LRBA: variants seen among roughly 807,000 people sequenced by gnomAD.
LRBA encodes the protein LPS responsive beige-like anchor protein.
In LRBA, 176 loss-of-function variants were observed where a neutral mutation model predicts 330.0. The ratio of observed to expected loss-of-function variants is 0.53; its 90% CI spans 0.47 to 0.60. The LOEUF (loss-of-function observed/expected upper bound fraction) is 0.60, where lower values mean the gene tolerates loss of function less well. LRBA is among the 20% of genes least tolerant of loss of function. The probability of loss-of-function intolerance (pLI) is 0.00; values close to 1 mark genes in which losing one functional copy is unlikely to be tolerated. For synonymous variants in LRBA, 1,230 were observed against 1,193.0 expected (o/e 1.03, Z -0.64); for missense variants, 3,259 against 3,444.8 (o/e 0.95, Z 1.35).
intron 52 of LRBA, among the ~76,000 whole-genome samples, chr4:150,307,616 T>C (rs1391838923): frequency 6.6e-6 from 1 of 151,312 alleles, no homozygotes; most frequent in Non-Finnish European, 1.5e-5. Flanking sequence ...TAGTGGCATG[T>C]GCCTGTGGTC....
At chr4:150,542,429 T>C (rs1403817243) in intron 40 of LRBA, among the ~76,000 whole-genome samples, 2 of 152,240 alleles carry the variant, frequency 1.3e-5, no homozygotes, top group Non-Finnish European at 2.9e-5. Context: ...GTTATTGTTA[T>C]GACCTTTTCC....
chr4:150,404,528 A>T (rs1438266607), intron 47 of LRBA, among the ~76,000 whole-genome samples: 1 of 152,160 alleles, frequency 6.6e-6, no homozygotes, highest in African/African-American at 2.4e-5. Flanking sequence ...CTGTGGTAAG[A>T]AAAGCATGAG....
At chr4:150,584,636 C>T (rs1296318617) in intron 40 of LRBA, 1 of 166,956 alleles carries the variant, frequency 6.0e-6, no homozygotes, top group African/African-American at 2.4e-5. Flanking sequence ...TGAACCTCTA[C>T]CCTCACCCTG....
At chr4:150,615,448 T>C (rs1168221863) in intron 37 of LRBA, among the ~76,000 whole-genome samples, 1 of 152,110 alleles carries the variant, frequency 6.6e-6, no homozygotes, top group Non-Finnish European at 1.5e-5. Context: ...TGGGAACAAA[T>C]AGCAGCAGTG....
intron 36 of LRBA, among the ~76,000 whole-genome samples, chr4:150,699,115 A>G (rs1191008590): frequency 6.6e-6 from 1 of 152,188 alleles, no homozygotes; most frequent in Non-Finnish European, 1.5e-5. Context: ...GGAAAAAGCA[A>G]GATTCTTCTC....
intron 22 of LRBA, among the ~76,000 whole-genome samples, chr4:150,857,590 C>T (rs1399515919): frequency 6.6e-6 from 1 of 152,122 alleles, no homozygotes; most frequent in Non-Finnish European, 1.5e-5. Context: ...ACTCCTTCCT[C>T]TGGAAATTCC....
intron 35 of LRBA, among the ~76,000 whole-genome samples, chr4:150,754,521 C>CG (rs1553954451): frequency 1.2e-5 from 1 of 86,074 alleles, no homozygotes; most frequent in Non-Finnish European, 2.1e-5. Context: ...CCTGTCTCAC[C>CG]AAAAAAAAAA....
At chr4:150,920,818 C>G (rs1300161743) in intron 5 of LRBA, among the ~76,000 whole-genome samples, 1 of 151,996 alleles carries the variant, frequency 6.6e-6, no homozygotes, top group African/African-American at 2.4e-5. Flanking sequence ...TCTTCACTAT[C>G]ATTCTATACA....
At chr4:150,892,673 G>A (rs1192890129) in intron 17 of LRBA, among the ~76,000 whole-genome samples, 10 of 152,226 alleles carry the variant, frequency 6.6e-5, no homozygotes, top group Non-Finnish European at 1.0e-4. Flanking sequence ...GTGGGAGGTG[G>A]AGGAAGTGAC....
At chr4:150,602,592 G>A (rs1774230497) in intron 37 of LRBA, among the ~76,000 whole-genome samples, 1 of 152,018 alleles carries the variant, frequency 6.6e-6, no homozygotes, top group South Asian at 2.1e-4. Flanking sequence ...ACAAAAATGA[G>A]GCCGGCTTTG....
chr4:150,412,849 T>C (rs1747200818), intron 47 of LRBA, among the ~76,000 whole-genome samples: 1 of 151,334 alleles, frequency 6.6e-6, no homozygotes. Context: ...TTTTATATAT[T>C]GTATAAATAT....
intron 47 of LRBA, among the ~76,000 whole-genome samples, chr4:150,386,804 T>C (rs1299802260): frequency 1.3e-5 from 2 of 152,200 alleles, no homozygotes; most frequent in Non-Finnish European, 2.9e-5. Flanking sequence ...CTGGGTCAAA[T>C]GGTGTGTCTG....
intron 2 of LRBA, among the ~76,000 whole-genome samples, chr4:150,991,053 CAAA>C (rs543266001): frequency 7.3e-4 from 44 of 60,010 alleles, no homozygotes; most frequent in African/African-American, 2.5e-3. Context: ...ACTCTGTCTC[CAAA>C]AAAAAAAAAA....
At chr4:150,806,975 T>C (rs996625376) in intron 32 of LRBA, among the ~76,000 whole-genome samples, 12 of 151,862 alleles carry the variant, frequency 7.9e-5, no homozygotes, top group African/African-American at 2.6e-4. Flanking sequence ...ATTTGGTTGA[T>C]AGTTATATTT....
chr4:150,763,800 C>T (rs1267252503), intron 34 of LRBA, among the ~76,000 whole-genome samples: 1 of 151,746 alleles, frequency 6.6e-6, no homozygotes, highest in African/African-American at 2.4e-5. Context: ...ACAGATGGAC[C>T]TCAGCTAGGA....
chr4:150,530,131 C>T (rs1763904563), intron 40 of LRBA, among the ~76,000 whole-genome samples: 1 of 152,276 alleles, frequency 6.6e-6, no homozygotes, highest in African/African-American at 2.4e-5. Flanking sequence ...GTCATATATA[C>T]TCTTCATGGT....
intron 4 of LRBA, among the ~76,000 whole-genome samples, chr4:150,924,399 G>A (rs1733653752): frequency 6.6e-6 from 1 of 152,120 alleles, no homozygotes; most frequent in African/African-American, 2.4e-5. Flanking sequence ...TGTGGTCCCA[G>A]CTGCTTGGAA....
At chr4:150,400,916 T>C (rs1745373906) in intron 47 of LRBA, among the ~76,000 whole-genome samples, 1 of 152,228 alleles carries the variant, frequency 6.6e-6, no homozygotes, top group South Asian at 2.1e-4. Flanking sequence ...TGGGTTGAGC[T>C]GTGTCCCCTC....
intron 28 of LRBA, among the ~76,000 whole-genome samples, chr4:150,836,475 C>G (rs1027291834): frequency 1.3e-5 from 2 of 152,194 alleles, no homozygotes; most frequent in Non-Finnish European, 2.9e-5. Flanking sequence ...GCCTCAATTT[C>G]AGAGCCTGCT....
Sources: gnomAD v4.1 joint callset for allele counts (sites outside exome capture counted in the v4.1 genomes callset) on GRCh38, gnomAD v4.1.1 for gene constraint, MANE v1.5 for transcripts, NCBI Gene and HGNC (gene_info 2026-07-23, HGNC 2026-07-21) for gene names.